Variants in CAT observed in about 807,000 individuals in gnomAD.
CAT encodes the protein catalase.
A neutral mutation model predicts 59.0 loss-of-function variants in CAT; 43 were observed. The observed-to-expected ratio is 0.73, with a 90% CI of 0.57 to 0.94. The LOEUF (loss-of-function observed/expected upper bound fraction) is 0.94, where lower values mean the gene tolerates loss of function less well. Ranked by LOEUF, CAT falls within the 40% of genes least tolerant of loss-of-function variation. The pLI, the probability that CAT is intolerant of heterozygous loss-of-function variation, is 0.00. For synonymous variants in CAT, 218 were observed against 230.9 expected, an observed-to-expected ratio of 0.94 and a Z score of 0.51; for missense variants, 664 against 682.9, an observed-to-expected ratio of 0.97 and a Z score of 0.31.
At chr11:34,467,504 T>TA (rs1367047601) in intron 10 of CAT, among the ~76,000 whole-genome samples, 1 of 152,210 alleles carries the variant, frequency 6.6e-6, no homozygotes, top group Non-Finnish European at 1.5e-5. Flanking sequence ...ATGAAGTTGA[T>TA]ACTTTGGATA....
chr11:34,458,576 G>C (rs1296053925), intron 8 of CAT, among the ~76,000 whole-genome samples: 3 of 152,240 alleles, frequency 2.0e-5, no homozygotes, highest in African/African-American at 7.2e-5. Flanking sequence ...TGAACTGTGA[G>C]AGGATGAGGC....
rs1228893748 is a variant in CAT at position 34,471,002 on chromosome 11, C to T, written c.1479C>T (p.Ile493=). 5.0e-6 allele frequency: 8 copies of T among 1,614,198 alleles called. No individual in the cohort carries two copies. The highest frequency in any genetic ancestry group is 1.3e-5 in the African/African-American group (1 of 75,048). Residue 493 remains isoleucine (I), a synonymous_variant, in exon 12 of 13, where the codon ATC becomes ATT. Transcript: ENST00000241052. ...TCCACCCTGACTACGGGAGCCACAT[C>T]CAGGCTCTTCTGGACAAGTACAATG... ...TEVHPDYGSH[I]QALLDKYNAE...
At chr11:34,461,198 C>G (rs1856645482) in intron 8 of CAT, 53 bp from the exon 9 acceptor site, 1 of 1,591,176 alleles carries the variant, frequency 6.3e-7, no homozygotes, top group Admixed American at 1.7e-5. Context: ...CAGCCCATTC[C>G]TATGTTATAT....
At chr11:34,456,643 G>A (rs921909672) in intron 7 of CAT, 22 bp from the exon 8 acceptor site, 1 of 1,611,162 alleles carries the variant, frequency 6.2e-7, no homozygotes, top group Non-Finnish European at 8.5e-7. Flanking sequence ...CCTGGTAATT[G>A]TGAATATGAC....
intron 1 of CAT, among the ~76,000 whole-genome samples, chr11:34,446,326 A>T (rs1179816860): frequency 6.6e-6 from 1 of 152,210 alleles, no homozygotes; most frequent in South Asian, 2.1e-4. Context: ...GAGTGGGGAA[A>T]TGGAAGAGAT....
intron 1 of CAT, 128 bp downstream of exon 1, chr11:34,439,207 G>GA: frequency 1.1e-6 from 1 of 895,334 alleles, no homozygotes; most frequent in South Asian, 1.4e-5. Flanking sequence ...GGGCAGGGGG[G>GA]ATCCCCTTCG....
chr11:34,452,468 T>C (rs1322680193), intron 4 of CAT, among the ~76,000 whole-genome samples: 1 of 152,104 alleles, frequency 6.6e-6, no homozygotes, highest in Non-Finnish European at 1.5e-5. Context: ...CGAAGATTAG[T>C]AAAAAGAGGG....
In CAT at chr11:34,452,172, A is replaced by G; in HGVS notation, c.445A>G (p.Asn149Asp). Residue 149 changes from asparagine (N) to aspartate (D), a missense_variant, in exon 4 of 13, where the codon AAC (asparagine) becomes GAC (aspartate). By Grantham distance (23) the Asn-to-Asp change is conservative (BLOSUM62 1). Coordinates refer to ENST00000241052, the MANE Select transcript of CAT (RefSeq NM_001752.4). ...EDGNWDLVGN[N>D]TPIFFIRDPI... ...TGGTAACTGGGATCTCGTTGGAAATAACACCCCCATTTTCTTCATCAGGGA... is the reference window on the plus strand; with the variant it reads ...TGGTAACTGGGATCTCGTTGGAAATGACACCCCCATTTTCTTCATCAGGGA... 6.2e-7 allele frequency: 1 copy of G among 1,613,852 alleles called. No individual in the cohort carries two copies.
intron 2 of CAT, among the ~76,000 whole-genome samples, chr11:34,450,750 ACCT>A (rs1199516623): frequency 6.6e-6 from 1 of 151,620 alleles, no homozygotes; most frequent in Admixed American, 6.6e-5. Flanking sequence ...AGCCTCACTC[ACCT>A]CCTTCTCTTG....
At chr11:34,465,854 C>T (rs1856709180) in intron 10 of CAT, among the ~76,000 whole-genome samples, 2 of 152,076 alleles carry the variant, frequency 1.3e-5, no homozygotes, top group Non-Finnish European at 2.9e-5. Flanking sequence ...TGTTTGAAGG[C>T]TTTGGAGAGC....
rs1472817995 is a variant in CAT, at chr11:34,449,190, A to G, written c.67-2A>G. On this transcript the variant is annotated splice_acceptor_variant, in intron 1 of 12. Coordinates refer to ENST00000241052, the MANE Select transcript of CAT (RefSeq NM_001752.4). LOFTEE classifies it high-confidence loss of function. Reference sequence around the variant, plus strand: ...CTGCACTTTCTTTCTGTGTTCCTGTAGAAAGCTGATGTCCTGACCACTGGA... The same window carrying G: ...CTGCACTTTCTTTCTGTGTTCCTGTGGAAAGCTGATGTCCTGACCACTGGA... The G allele has an allele frequency of 1.9e-6, 3 of 1,613,866 alleles. No homozygotes were observed. The highest frequency in any genetic ancestry group is 3.3e-5 in the Admixed American group (2 of 60,014).
At chr11:34,460,952 C>T (rs17884804) in intron 8 of CAT, 424 of 420,808 alleles carry the variant, frequency 1.0e-3, no homozygotes, top group Non-Finnish European at 1.6e-3. Flanking sequence ...GGAAGTAATA[C>T]TGTATAAGAC....
chr11:34,461,790 G>A (rs933808380), intron 9 of CAT, among the ~76,000 whole-genome samples: 1 of 152,154 alleles, frequency 6.6e-6, no homozygotes, highest in South Asian at 2.1e-4. Context: ...TTGGAAGTGC[G>A]AAAGCCAAGA....
chr11:34,443,571 CTTT>C (rs34138762), intron 1 of CAT, among the ~76,000 whole-genome samples: 3 of 145,780 alleles, frequency 2.1e-5, no homozygotes, highest in Admixed American at 6.8e-5. Context: ...AACCCATTTC[CTTT>C]TTTTTTTTTT....
chr11:34,465,098 C>T (rs886359871), intron 10 of CAT, among the ~76,000 whole-genome samples: 7 of 152,112 alleles, frequency 4.6e-5, no homozygotes, highest in African/African-American at 1.7e-4. Flanking sequence ...GCAGCTGCCT[C>T]CTTAATGTGT....
intron 1 of CAT, among the ~76,000 whole-genome samples, chr11:34,440,033 A>G (rs1413368077): frequency 2.0e-5 from 3 of 152,180 alleles, no homozygotes; most frequent in Non-Finnish European, 4.4e-5. Context: ...GGATTAGATG[A>G]GACCACATCT....
intron 1 of CAT, among the ~76,000 whole-genome samples, chr11:34,440,752 G>T (rs1856379631): frequency 6.6e-6 from 1 of 151,828 alleles, no homozygotes; most frequent in African/African-American, 2.4e-5. Flanking sequence ...TAGTAGAGAT[G>T]GGGTTTCACC....
Position 34,456,650 on chromosome 11 carries a change from T to C in CAT, c.904-15T>C, listed in dbSNP as rs375479206. The C allele has an allele frequency of 1.2e-6, 2 of 1,613,454 alleles. No individual in the cohort carries two copies. The highest frequency in any genetic ancestry group is 1.7e-6 in the Non-Finnish European group (2 of 1,179,296). On this transcript the variant is annotated splice_polypyrimidine_tract_variant and intron_variant, in intron 7 of 12. Transcript: ENST00000241052. ...GTTGATTGCCTGGTAATTGTGAATA[T>C]GACATCATTTTCAGGTTTGGCCTCA...
rs1353321288 is a variant in CAT, at chr11:34,453,659, T to C, written c.586-142T>C. 1.4e-5 allele frequency: 10 copies of C among 714,654 alleles called. No individual in the cohort carries two copies. The African/African-American group carries it at 1.6e-4, about 11-fold the overall frequency. 44.3% of individuals were successfully genotyped at this position (714,654 alleles called of 1,614,324 possible). ...TTGTTATTTTCTACAAGTGAAATAA[T>C]AATGGTAACCCTTCCCATGGGAAAT... On this transcript the variant is annotated intron_variant, in intron 5 of 12. Transcript: ENST00000241052.
Sources: allele counts gnomAD v4.1 joint callset (sites outside exome capture counted in the v4.1 genomes callset), GRCh38; gene constraint gnomAD v4.1.1; transcripts MANE v1.5; gene names NCBI Gene and HGNC (gene_info 2026-07-23, HGNC 2026-07-21).